DYM: variants seen among roughly 807,000 people sequenced by gnomAD.
The protein encoded by DYM is dyggve-Melchior-Clausen syndrome protein.
A neutral mutation model predicts 93.1 loss-of-function variants in DYM; 78 were observed. That is an observed-to-expected ratio of 0.84 (90% CI 0.70 to 1.01). The LOEUF is 1.01. Among genes scored for constraint, DYM ranks in the 50% least tolerant of loss-of-function variants. The pLI is 0.00. For missense variants in DYM, 789 were observed against 845.0 expected (o/e 0.93, Z 0.82); for synonymous variants, 321 against 319.7 (o/e 1.00, Z -0.04).
intron 16 of DYM, among the ~76,000 whole-genome samples, chr18:49,098,441 C>T (rs2079785877): frequency 1.3e-5 from 2 of 152,116 alleles, no homozygotes; most frequent in African/African-American, 4.8e-5. Context: ...TTGTCTTATC[C>T]ATTCTAGTGG....
intron 15 of DYM, among the ~76,000 whole-genome samples, chr18:49,129,387 ATCT>A (rs2144018632): frequency 6.6e-6 from 1 of 152,300 alleles, no homozygotes; most frequent in African/African-American, 2.4e-5. Flanking sequence ...TAAATCTTAA[ATCT>A]TCTTAAGTTC....
chr18:49,121,403 A>G (rs893172322), intron 15 of DYM, among the ~76,000 whole-genome samples: 2 of 152,182 alleles, frequency 1.3e-5, no homozygotes, highest in Admixed American at 6.5e-5. Flanking sequence ...CAAGGGCTGT[A>G]AAATAATAAG....
At chr18:49,421,055 G>C (rs2073639164) in intron 2 of DYM, among the ~76,000 whole-genome samples, 1 of 152,190 alleles carries the variant, frequency 6.6e-6, no homozygotes, top group Non-Finnish European at 1.5e-5. Context: ...TGCCTCTGTA[G>C]ACTCCACCAA....
chr18:49,118,855 A>T lies in DYM; in HGVS notation c.1800T>A (p.Asn600Lys). 6.2e-7 allele frequency: 1 copy of T among 1,614,094 alleles called. No individual in the cohort carries two copies. The highest frequency in any genetic ancestry group is 8.5e-7 in the Non-Finnish European group (1 of 1,179,974). ...MLEIINSCLTNSLHHNPNLVY... is the reference protein window; with the variant it reads ...MLEIINSCLTKSLHHNPNLVY... ...CCAAGTTTGGGTTGTGGTGAAGGGAATTTGTCAGGCAGGAGTTGATGATCT... is the reference window on the plus strand; with the variant it reads ...CCAAGTTTGGGTTGTGGTGAAGGGATTTTGTCAGGCAGGAGTTGATGATCT... The change falls in exon 16 of 18, where the codon AAT (asparagine) becomes AAA (lysine). Residue 600 changes from asparagine to lysine, a missense_variant. By Grantham distance (94) the Asn-to-Lys change is moderately conservative. Coordinates refer to ENST00000675505, the MANE Select transcript of DYM (RefSeq NM_001353214.3).
chr18:49,069,775 G>T (rs184135203), intron 17 of DYM, among the ~76,000 whole-genome samples: 1 of 152,194 alleles, frequency 6.6e-6, no homozygotes, highest in African/African-American at 2.4e-5. Context: ...AGGCATGGTG[G>T]CTCACGCCTG....
intron 8 of DYM, among the ~76,000 whole-genome samples, chr18:49,290,410 C>G (rs2060035916): frequency 1.3e-5 from 2 of 151,550 alleles, no homozygotes; most frequent in Non-Finnish European, 2.9e-5. Flanking sequence ...ACACTGCAAA[C>G]AGAGATTATC....
intron 1 of DYM, among the ~76,000 whole-genome samples, chr18:49,441,717 T>G (rs773018696): frequency 1.3e-5 from 2 of 151,984 alleles, no homozygotes; most frequent in African/African-American, 2.4e-5. Flanking sequence ...CAAAAGGAGT[T>G]CCTGCCAAGG....
At chr18:49,289,806 T>TAC (rs10618239) in intron 8 of DYM, among the ~76,000 whole-genome samples, 1 of 121,530 alleles carries the variant, frequency 8.2e-6, no homozygotes, top group Non-Finnish European at 1.8e-5. Flanking sequence ...TATATATATA[T>TAC]ATACACATAT....
intron 13 of DYM, among the ~76,000 whole-genome samples, chr18:49,248,430 T>G (rs965615411): frequency 3.9e-5 from 6 of 152,192 alleles, no homozygotes; most frequent in Non-Finnish European, 7.4e-5. Flanking sequence ...CAAGCCATCA[T>G]TAACTCTTAC....
chr18:49,290,163 T>C, intron 8 of DYM, among the ~76,000 whole-genome samples: 1 of 151,708 alleles, frequency 6.6e-6, no homozygotes, highest in Middle Eastern at 3.4e-3. Flanking sequence ...GGTCCAATAA[T>C]GTAAACAACA....
intron 8 of DYM, among the ~76,000 whole-genome samples, chr18:49,317,592 TCTCTCCCCCCTC>T (rs2062054681): frequency 1.7e-4 from 2 of 11,448 alleles, no homozygotes; most frequent in African/African-American, 5.6e-4. Context: ...TCTCTCTCTC[TCTCTCCCCCCTC>T]CCCCCTCCCT....
chr18:49,439,311 A>G (rs1284780541), intron 1 of DYM, among the ~76,000 whole-genome samples: 1 of 152,208 alleles, frequency 6.6e-6, no homozygotes, highest in African/African-American at 2.4e-5. Flanking sequence ...CAAAGGACCT[A>G]TCTTCAATGC....
intron 6 of DYM, among the ~76,000 whole-genome samples, chr18:49,349,799 T>A (rs1157167632): frequency 4.0e-5 from 6 of 151,858 alleles, no homozygotes; most frequent in Non-Finnish European, 7.4e-5. Flanking sequence ...CTACTAAAAA[T>A]TTTAAAAATT....
intron 15 of DYM, among the ~76,000 whole-genome samples, chr18:49,131,417 G>A (rs546051578): frequency 1.6e-4 from 24 of 152,140 alleles, no homozygotes; most frequent in Admixed American, 8.5e-4. Context: ...TAGTGACAGG[G>A]TTTTGCCATG....
intron 15 of DYM, among the ~76,000 whole-genome samples, chr18:49,143,731 G>A (rs1333258027): frequency 2.6e-5 from 4 of 152,128 alleles, no homozygotes; most frequent in South Asian, 2.1e-4. Context: ...ATATTCATAC[G>A]CTGTATAACC....
At chr18:49,227,129 C>G (rs1197336176) in intron 13 of DYM, among the ~76,000 whole-genome samples, 1 of 152,132 alleles carries the variant, frequency 6.6e-6, no homozygotes, top group Non-Finnish European at 1.5e-5. Context: ...ATAGCACATT[C>G]AGCACATTTT....
chr18:49,235,147 G>A (rs920179843), intron 13 of DYM, among the ~76,000 whole-genome samples: 9 of 152,198 alleles, frequency 5.9e-5, no homozygotes, highest in South Asian at 4.1e-4. Flanking sequence ...ACAGAATTGT[G>A]GGATAACAAA....
intron 5 of DYM, among the ~76,000 whole-genome samples, chr18:49,374,956 T>G (rs1051529571): frequency 1.0e-5 from 1 of 96,898 alleles, no homozygotes; most frequent in Non-Finnish European, 2.6e-5. Flanking sequence ...TGAAACTGTC[T>G]CAAAAAAAAA....
intron 6 of DYM, among the ~76,000 whole-genome samples, chr18:49,345,959 G>C (rs941821963): frequency 1.3e-5 from 2 of 152,146 alleles, no homozygotes; most frequent in African/African-American, 2.4e-5. Flanking sequence ...ATCTACAACA[G>C]AACATTATAT....
Sources: gnomAD v4.1 joint callset for allele counts (sites outside exome capture counted in the v4.1 genomes callset) on GRCh38, gnomAD v4.1.1 for gene constraint, MANE v1.5 for transcripts, NCBI Gene and HGNC (gene_info 2026-07-23, HGNC 2026-07-21) for gene names.